RNF175: variants seen among roughly 807,000 people sequenced by gnomAD.
RNF175 encodes the protein ring finger protein 175.
A neutral mutation model predicts 50.0 loss-of-function variants in RNF175; 38 were observed. The observed-to-expected ratio is 0.76, with a 90% CI of 0.59 to 1.00. The LOEUF is 1.00. RNF175 is among the 50% of genes least tolerant of loss of function. RNF175 has a pLI of 0.00. For missense variants in RNF175, 388 were observed against 409.6 expected (o/e 0.95, Z 0.46); for synonymous variants, 155 against 146.1 (o/e 1.06, Z -0.44).
At chr4:153,715,696 A>G (rs1483836430) in intron 6 of RNF175, 34 bp from the exon 7 acceptor site, 5 of 1,599,412 alleles carry the variant, frequency 3.1e-6, no homozygotes, top group Non-Finnish European at 4.3e-6. Flanking sequence ...ACAGTCAGAA[A>G]GGAGAGCACA....
chr4:153,756,293 G>T (rs1740559334), intron 1 of RNF175, among the ~76,000 whole-genome samples: 2 of 152,086 alleles, frequency 1.3e-5, no homozygotes, highest in African/African-American at 4.8e-5. Flanking sequence ...GTGAGCTCCA[G>T]ATGCTTCTGA....
At chr4:153,727,518 T>G (rs984420798) in intron 4 of RNF175, 1 of 152,250 alleles carries the variant, frequency 6.6e-6, no homozygotes, top group African/African-American at 2.4e-5. Flanking sequence ...TATGATTTAT[T>G]CTTCCAAAAG....
At chr4:153,726,385 G>A (rs113251765) in intron 4 of RNF175, among the ~76,000 whole-genome samples, 8 of 152,284 alleles carry the variant, frequency 5.3e-5, no homozygotes, top group Admixed American at 1.3e-4. Context: ...GATTACAGGC[G>A]TGAGCCATTG....
intron 3 of RNF175, among the ~76,000 whole-genome samples, chr4:153,734,263 G>C (rs1739211593): frequency 6.6e-6 from 1 of 152,170 alleles, no homozygotes. Flanking sequence ...CTTTGTGGGA[G>C]ACTGCCAAAC....
chr4:153,737,746 A>G (rs1739425459), intron 3 of RNF175, among the ~76,000 whole-genome samples: 1 of 151,682 alleles, frequency 6.6e-6, no homozygotes. Flanking sequence ...TGAATGTTCC[A>G]TGTGATGTCA....
At position 153,710,492 on chromosome 4, in the gene RNF175, A is replaced by G. The variant is rs984980638; in HGVS notation, c.867-3T>C. ...ACAGAAAATGTGTGCGCTCCCAGCT[A>G]AATCTCAGTTAAGGAGGTTGTTCTA... is the stretch of plus-strand genomic sequence containing the variant. On this transcript the variant is annotated splice_region_variant and splice_polypyrimidine_tract_variant and intron_variant, in intron 8 of 8. Transcript: ENST00000347063. The G allele has an allele frequency of 6.2e-7, 1 of 1,609,390 alleles. No homozygotes were observed. The highest frequency in any genetic ancestry group is 1.3e-5 in the African/African-American group (1 of 75,000).
At chr4:153,721,480 T>A (rs551166769) in intron 5 of RNF175, 1 of 152,346 alleles carries the variant, frequency 6.6e-6, no homozygotes, top group East Asian at 1.9e-4. Context: ...GGTAGCTTCA[T>A]CCTTTCAAGA....
intron 3 of RNF175, among the ~76,000 whole-genome samples, chr4:153,743,114 C>T (rs796164227): frequency 6.6e-5 from 10 of 152,172 alleles, no homozygotes; most frequent in African/African-American, 1.9e-4. Flanking sequence ...TGTATCAGGC[C>T]GTAGTTTTTT....
At chr4:153,747,258 G>A (rs557389564) in intron 3 of RNF175, among the ~76,000 whole-genome samples, 1 of 152,214 alleles carries the variant, frequency 6.6e-6, no homozygotes, top group Admixed American at 6.5e-5. Context: ...TAGCCAGGCT[G>A]TGAGTTTTCC....
intron 3 of RNF175, chr4:153,745,632 T>C (rs1739928876): frequency 6.6e-6 from 1 of 152,264 alleles, no homozygotes. Context: ...ATATGACAGT[T>C]TGGGTAATTT....
At chr4:153,753,528 T>C (rs1222690285) in intron 1 of RNF175, among the ~76,000 whole-genome samples, 1 of 148,592 alleles carries the variant, frequency 6.7e-6, no homozygotes, top group Non-Finnish European at 1.5e-5. Flanking sequence ...ACAAAATAAC[T>C]GTGTTTTTAT....
chr4:153,741,535 A>G (rs1739657096), intron 3 of RNF175, among the ~76,000 whole-genome samples: 1 of 152,168 alleles, frequency 6.6e-6, no homozygotes, highest in Non-Finnish European at 1.5e-5. Flanking sequence ...GCTTTCAGGA[A>G]GGAGATCTCA....
At chr4:153,724,403 T>G (rs924865710) in intron 4 of RNF175, among the ~76,000 whole-genome samples, 3 of 152,070 alleles carry the variant, frequency 2.0e-5, no homozygotes, top group Non-Finnish European at 4.4e-5. Flanking sequence ...TCAAAGAAAA[T>G]GAAGAGGTGG....
intron 2 of RNF175, 51 bp from the exon 3 acceptor site, chr4:153,748,837 T>A: frequency 7.0e-7 from 1 of 1,438,764 alleles, no homozygotes; most frequent in Non-Finnish European, 9.4e-7. Flanking sequence ...CCTTGCGCAT[T>A]TAGCAAAAAA....
chr4:153,758,577 C>T (rs1175853040), intron 1 of RNF175, among the ~76,000 whole-genome samples: 3 of 152,140 alleles, frequency 2.0e-5, no homozygotes, highest in East Asian at 1.9e-4. Flanking sequence ...ACCTCCCTTT[C>T]GATAATCTGG....
At chr4:153,732,993 C>T (rs2251900) in intron 3 of RNF175, among the ~76,000 whole-genome samples, 26,900 of 152,126 alleles carry the variant, frequency 0.18, 3,095 homozygotes, top group Non-Finnish European at 0.25. Flanking sequence ...TGACATCACA[C>T]AGGAGCAGTT....
chr4:153,717,020 G>A (rs1236504754), intron 6 of RNF175, among the ~76,000 whole-genome samples: 1 of 152,118 alleles, frequency 6.6e-6, no homozygotes, highest in African/African-American at 2.4e-5. Context: ...TCACAACCTC[G>A]TTAAGGGAGG....
chr4:153,744,344 C>T lies in RNF175; in HGVS notation c.246+4301G>A, dbSNP rs549472754. ...GGCTGAGGCTGGAGAATCACTTGAA[C>T]CCGGGAGGTGGAGGTTGCAGTGAGC... is the stretch of plus-strand genomic sequence containing the variant. On this transcript the variant is annotated intron_variant, in intron 3 of 8. Coordinates refer to ENST00000347063, the MANE Select transcript of RNF175 (RefSeq NM_173662.4). Among the ~76,000 whole-genome samples, 109 of 152,124 alleles carry T rather than the reference C, an allele frequency of 7.2e-4. No homozygotes were observed. The Middle Eastern group carries it at 0.027, about 38-fold the overall frequency.
At chr4:153,715,726 GA>G in intron 6 of RNF175, 64 bp from the exon 7 acceptor site, 1 of 1,547,860 alleles carries the variant, frequency 6.5e-7, no homozygotes. Context: ...CTGAATGCAG[GA>G]AGCCACTGCC....
Sources: allele counts gnomAD v4.1 joint callset (sites outside exome capture counted in the v4.1 genomes callset), GRCh38; gene constraint gnomAD v4.1.1; transcripts MANE v1.5; gene names NCBI Gene and HGNC (gene_info 2026-07-23, HGNC 2026-07-21).